The following DACH1 variants were observed in gnomAD, a reference collection of about 807,000 sequenced individuals.
The protein encoded by DACH1 is dachshund family transcription factor 1, also known as dachshund homolog 1.
A neutral mutation model predicts 54.2 loss-of-function variants in DACH1; 12 were observed. The ratio of observed to expected loss-of-function variants is 0.22; its 90% CI spans 0.14 to 0.36. The LOEUF (loss-of-function observed/expected upper bound fraction) is 0.36, where lower values mean the gene tolerates loss of function less well. DACH1 is among the 10% of genes least tolerant of loss of function. DACH1 has a pLI of 1.00. For missense variants in DACH1, 805 were observed against 929.8 expected, an observed-to-expected ratio of 0.87 and a Z score of 1.75; for synonymous variants, 386 against 366.2, an observed-to-expected ratio of 1.05 and a Z score of -0.62.
intron 6 of DACH1, among the ~76,000 whole-genome samples, chr13:71,503,224 T>C (rs1880059312): frequency 6.6e-6 from 1 of 152,234 alleles, no homozygotes; most frequent in Non-Finnish European, 1.5e-5. Context: ...CAAATTTCTT[T>C]ACAGGTTTAT....
Position 71,681,876 on chromosome 13 carries a change from T to A in DACH1, c.883A>T (p.Ser295Cys), listed in dbSNP as rs1220092336. 3.7e-6 allele frequency: 6 copies of A among 1,613,598 alleles called. No individual in the cohort carries two copies. In the Admixed American group the frequency reaches 5.0e-5, roughly 13 times the overall value. The change falls in exon 2 of 11, where the codon AGT becomes TGT. Residue 295 changes from serine to cysteine, a missense_variant. Coordinates refer to ENST00000613252, the MANE Select transcript of DACH1 (RefSeq NM_080759.6). ...TGAGAGTTCTCTGGGGAGGTGACAC[T>A]TTGAGTCCTCTTAGGAGGCCTTCCA... ...RPGRPPKRTQ[S>C]VTSPENSHIM...
chr13:71,574,923 C>T lies in DACH1; in HGVS notation c.1127-1911G>A, dbSNP rs553005193. Among the ~76,000 whole-genome samples the T allele has an allele frequency of 1.8e-4, 27 of 152,112 alleles. No homozygotes were observed. The South Asian group carries it at 5.6e-3, about 31-fold the overall frequency. Reference sequence around the variant, plus strand: ...ATACACCTTACTTCTGTTCTCATAACTTTTTTGACACTTATCCCTAGGTAC... The same window carrying T: ...ATACACCTTACTTCTGTTCTCATAATTTTTTTGACACTTATCCCTAGGTAC... On this transcript the variant is annotated intron_variant, in intron 3 of 10. Coordinates refer to ENST00000613252, the MANE Select transcript of DACH1 (RefSeq NM_080759.6).
In DACH1 at chr13:71,624,416, AATTGACAGCT is replaced by A. The variant is rs745705001; in HGVS notation, c.1126+6130_1126+6139del. Among the ~76,000 whole-genome samples, 92 of 152,056 alleles carry A rather than the reference AATTGACAGCT, an allele frequency of 6.1e-4. No individual in the cohort carries two copies. In the Middle Eastern group the frequency reaches 0.02, roughly 34 times the overall value. On this transcript the variant is annotated intron_variant, in intron 3 of 10. Transcript: ENST00000613252. ...TCATTAATTAAACTACTTATATATTAATTGACAGCTATCAGTTCTAAAATATTTCTCATTT... is the reference window on the plus strand; with the variant it reads ...TCATTAATTAAACTACTTATATATTAATCAGTTCTAAAATATTTCTCATTT...
intron 1 of DACH1, among the ~76,000 whole-genome samples, chr13:71,714,379 A>C (rs1189683159): frequency 6.6e-6 from 1 of 152,096 alleles, no homozygotes; most frequent in African/African-American, 2.4e-5. Flanking sequence ...CCATTGTATC[A>C]ATAGTTGTCC....
intron 10 of DACH1, among the ~76,000 whole-genome samples, chr13:71,471,609 G>A (rs916693942): frequency 2.6e-5 from 4 of 151,714 alleles, no homozygotes; most frequent in South Asian, 4.2e-4. Flanking sequence ...AAACACCACC[G>A]GGCCTGGTGG....
intron 1 of DACH1, chr13:71,704,473 A>G: frequency 2.9e-6 from 1 of 343,482 alleles, no homozygotes; most frequent in Non-Finnish European, 5.7e-6. Context: ...GAACTCTAAG[A>G]GCTGAGATAG....
chr13:71,706,749 A>C (rs750974669), intron 1 of DACH1, among the ~76,000 whole-genome samples: 9 of 152,130 alleles, frequency 5.9e-5, no homozygotes, highest in Non-Finnish European at 1.0e-4. Flanking sequence ...TATTATATAA[A>C]GTTGAAAAAT....
chr13:71,532,338 G>A (rs374493254), intron 6 of DACH1, among the ~76,000 whole-genome samples: 4 of 151,366 alleles, frequency 2.6e-5, no homozygotes, highest in South Asian at 4.2e-4. Flanking sequence ...CTAGGGAGAG[G>A]GAAAAAAGAG....
chr13:71,715,773 T>C (rs1882937681), intron 1 of DACH1, among the ~76,000 whole-genome samples: 1 of 151,910 alleles, frequency 6.6e-6, no homozygotes, highest in South Asian at 2.1e-4. Flanking sequence ...TTTCTTCAGT[T>C]GTTTCTCCTA....
intron 6 of DACH1, among the ~76,000 whole-genome samples, chr13:71,491,774 T>C (rs551164510): frequency 6.6e-6 from 1 of 152,286 alleles, no homozygotes; most frequent in African/African-American, 2.4e-5. Flanking sequence ...AAGATTTCGT[T>C]TAGCTCTTCC....
At chr13:71,514,493 A>G (rs1881014260) in intron 6 of DACH1, among the ~76,000 whole-genome samples, 1 of 151,916 alleles carries the variant, frequency 6.6e-6, no homozygotes. Flanking sequence ...TCAAATGAAT[A>G]AACTTTGTAG....
intron 1 of DACH1, among the ~76,000 whole-genome samples, chr13:71,850,739 C>A (rs879831009): frequency 1.4e-4 from 21 of 152,236 alleles, no homozygotes; most frequent in African/African-American, 3.4e-4. Context: ...TACAGAAGGA[C>A]TTATGGCCAC....
intron 3 of DACH1, among the ~76,000 whole-genome samples, chr13:71,587,385 T>C (rs1034424176): frequency 9.9e-5 from 15 of 152,104 alleles, no homozygotes; most frequent in African/African-American, 3.1e-4. Context: ...CAGTGGATAA[T>C]GCCCCTTTTG....
chr13:71,592,513 A>G (rs796627065), intron 3 of DACH1, among the ~76,000 whole-genome samples: 115 of 145,866 alleles, frequency 7.9e-4, no homozygotes, highest in South Asian at 1.1e-3. Context: ...AAAAAAAAAA[A>G]AAAAGAAAAG....
At chr13:71,482,194 C>G (rs901475161) in intron 7 of DACH1, among the ~76,000 whole-genome samples, 2 of 151,686 alleles carry the variant, frequency 1.3e-5, no homozygotes, top group African/African-American at 4.8e-5. Flanking sequence ...CTAAAATAAT[C>G]TAATTTGTAA....
At chr13:71,835,654 T>C (rs531922848) in intron 1 of DACH1, among the ~76,000 whole-genome samples, 1 of 152,230 alleles carries the variant, frequency 6.6e-6, no homozygotes, top group East Asian at 1.9e-4. Flanking sequence ...TCCTAGTTTA[T>C]ACCTATTGTC....
chr13:71,558,282 T>C (rs577077559), intron 5 of DACH1, among the ~76,000 whole-genome samples: 2 of 152,084 alleles, frequency 1.3e-5, no homozygotes, highest in East Asian at 1.9e-4. Flanking sequence ...TGCATTATAT[T>C]TGAAAATTTT....
chr13:71,488,328 T>C (rs1056369389), intron 7 of DACH1, among the ~76,000 whole-genome samples: 10 of 152,130 alleles, frequency 6.6e-5, no homozygotes, highest in African/African-American at 2.4e-4. Context: ...GCAAGAAAAT[T>C]ATGCTTTCTT....
intron 1 of DACH1, among the ~76,000 whole-genome samples, chr13:71,756,264 T>C (rs977857585): frequency 6.6e-6 from 1 of 151,888 alleles, no homozygotes; most frequent in African/African-American, 2.4e-5. Flanking sequence ...AGGATGGTCT[T>C]GATCTCCTGA....
Sources: allele counts gnomAD v4.1 joint callset (sites outside exome capture counted in the v4.1 genomes callset), GRCh38; gene constraint gnomAD v4.1.1; transcripts MANE v1.5; gene names NCBI Gene and HGNC (gene_info 2026-07-23, HGNC 2026-07-21).